Variants in GFM1 observed in about 807,000 individuals in gnomAD.
GFM1 encodes the protein elongation factor G, mitochondrial.
GFM1 carries 62 observed loss-of-function variants against 96.2 expected under a neutral mutation model. The observed-to-expected ratio is 0.64, with a 90% CI of 0.53 to 0.80. The LOEUF is 0.80. Ranked by LOEUF, GFM1 falls within the 30% of genes least tolerant of loss-of-function variation. The pLI is 0.00. For synonymous variants in GFM1, 282 were observed against 312.9 expected, an observed-to-expected ratio of 0.90 and a Z score of 1.04; for missense variants, 852 against 916.6, an observed-to-expected ratio of 0.93 and a Z score of 0.91.
At chr3:158,678,315 C>G (rs565696811) in intron 13 of GFM1, among the ~76,000 whole-genome samples, 3 of 152,114 alleles carry the variant, frequency 2.0e-5, no homozygotes, top group Non-Finnish European at 2.9e-5. Context: ...GTAAGGCGAT[C>G]GCTGCCATAG....
intron 11 of GFM1, among the ~76,000 whole-genome samples, chr3:158,664,268 A>G (rs1169254869): frequency 5.3e-5 from 8 of 152,220 alleles, no homozygotes; most frequent in Admixed American, 5.2e-4. Context: ...CAACACAAAT[A>G]TATACTTTTA....
Position 158,652,172 on chromosome 3 carries a change from TG to T in GFM1, c.767del (p.Cys256LeufsTer24). ...ATDHRQELIE[C>X]VANSDEQLGE... is the part of the protein sequence containing the mutation. ...TGACCACCGGCAGGAGCTAATTGAATGTGTTGCCAATTCAGATGAACAGCTT... is the reference window on the plus strand; with the variant it reads ...TGACCACCGGCAGGAGCTAATTGAATTGTTGCCAATTCAGATGAACAGCTT... On this transcript the variant is annotated frameshift_variant, in exon 6 of 18. Transcript: ENST00000486715. LOFTEE classifies it high-confidence loss of function. The T allele has an allele frequency of 6.2e-7, 1 of 1,614,030 alleles. No individual in the cohort carries two copies.
rs185840111 is a variant in GFM1, at chr3:158,644,798, C to T, written c.81+83C>T. On this transcript the variant is annotated intron_variant, in intron 1 of 17. Coordinates refer to ENST00000486715, the MANE Select transcript of GFM1 (RefSeq NM_024996.7). ...TGGGCAATGGAAGGCCGTGACACCCCCTGGGTCCTCATGACTGACAGCTCC... is the reference window on the plus strand; with the variant it reads ...TGGGCAATGGAAGGCCGTGACACCCTCTGGGTCCTCATGACTGACAGCTCC... The T allele has an allele frequency of 2.5e-4, 304 of 1,196,286 alleles. No homozygotes were observed. In the African/African-American group the frequency reaches 4.0e-3, roughly 16 times the overall value. 74.1% of individuals were successfully genotyped at this position (1,196,286 alleles called of 1,614,324 possible).
intron 8 of GFM1, chr3:158,655,712 T>C (rs1387448453): frequency 3.5e-6 from 1 of 287,012 alleles, no homozygotes; most frequent in Non-Finnish European, 7.0e-6. Flanking sequence ...GCACCCAGTT[T>C]CCTCTATTGT....
In GFM1 at chr3:158,654,530, A is replaced by G. The variant is rs1451335777; in HGVS notation, c.999-17A>G. ...CATATATTACATCTCATAGATTTAT[A>G]TTTCTTTTATTTTAAGTGACTCAAA... On this transcript the variant is annotated splice_polypyrimidine_tract_variant and intron_variant, in intron 7 of 17. Transcript: ENST00000486715. The G allele has an allele frequency of 7.2e-7, 1 of 1,387,228 alleles. No homozygotes were observed. Among genetic ancestry groups the G allele is most frequent in the Non-Finnish European group, 1.0e-6 (1 of 974,140 alleles). The allele number at this position is 1,387,228 out of a possible 1,614,324, so 85.9% of individuals were successfully genotyped here.
chr3:158,649,902 T>A, intron 5 of GFM1: 1 of 965,136 alleles, frequency 1.0e-6, no homozygotes, highest in Non-Finnish European at 1.6e-6. Context: ...CTTACAGGTC[T>A]GCAGACCACA....
intron 11 of GFM1, 73 bp downstream of exon 11, chr3:158,662,757 A>C: frequency 1.1e-6 from 1 of 873,652 alleles, no homozygotes; most frequent in East Asian, 2.4e-5. Flanking sequence ...TCTACAATGC[A>C]CTTGATATCT....
chr3:158,678,150 TCA>T (rs1725060744), intron 13 of GFM1, among the ~76,000 whole-genome samples: 8 of 152,324 alleles, frequency 5.3e-5, no homozygotes, highest in Middle Eastern at 6.8e-3. Context: ...AGATTACTGC[TCA>T]TTGACAATTA....
At chr3:158,667,983 G>A (rs1354809112) in intron 13 of GFM1, among the ~76,000 whole-genome samples, 1 of 152,148 alleles carries the variant, frequency 6.6e-6, no homozygotes, top group Non-Finnish European at 1.5e-5. Flanking sequence ...TCTGTATTAA[G>A]CTGAGCACAA....
Position 158,691,503 on chromosome 3 carries a change from T to G in GFM1, c.*36T>G. 1 of 1,610,794 alleles carries G rather than the reference T, an allele frequency of 6.2e-7. No homozygotes were observed. The highest frequency in any genetic ancestry group is 1.8e-4 in the Middle Eastern group (1 of 5,536). ...TGTGAGTTGACTGACTCTAATTGAA[T>G]CTGCGTGGTTTTGATACTTTGATGG... is the stretch of plus-strand genomic sequence containing the variant. On this transcript the variant is annotated 3_prime_UTR_variant, in exon 18 of 18. Transcript: ENST00000486715.
At chr3:158,677,094 A>G (rs764642945) in intron 13 of GFM1, among the ~76,000 whole-genome samples, 2 of 152,172 alleles carry the variant, frequency 1.3e-5, no homozygotes, top group Admixed American at 6.5e-5. Flanking sequence ...CATTATTATT[A>G]TATCTGTTAT....
chr3:158,682,429 T>C, intron 14 of GFM1: 1 of 392,548 alleles, frequency 2.5e-6, no homozygotes, highest in South Asian at 2.8e-5. Flanking sequence ...CTGTATTGAT[T>C]GTAATCAATT....
At chr3:158,656,888 T>A (rs994367424) in intron 8 of GFM1, 4 of 152,216 alleles carry the variant, frequency 2.6e-5, no homozygotes, top group African/African-American at 9.6e-5. Context: ...CCTTTTTGAA[T>A]ACTTCCTTAC....
Position 158,681,980 on chromosome 3 carries a change from C to A in GFM1, c.1602-15C>A. On this transcript the variant is annotated splice_polypyrimidine_tract_variant and intron_variant, in intron 13 of 17. Coordinates refer to ENST00000486715, the MANE Select transcript of GFM1 (RefSeq NM_024996.7). ...TACATAATGCTCCATTTTTTTTTTC[C>A]TAAATCACTTTCAGGTTTGACTTTA... 6.3e-7 allele frequency: 1 copy of A among 1,592,702 alleles called. No homozygotes were observed. Among genetic ancestry groups the A allele is most frequent in the Non-Finnish European group, 8.5e-7 (1 of 1,170,438 alleles).
In GFM1 at chr3:158,691,332, C is replaced by A. The variant is rs1420371820; in HGVS notation, c.2125-4C>A. 1 of 1,613,278 alleles carries A rather than the reference C, an allele frequency of 6.2e-7. No homozygotes were observed. Among genetic ancestry groups the A allele is most frequent in the Non-Finnish European group, 8.5e-7 (1 of 1,179,702 alleles). Reference sequence around the variant, plus strand: ...AAAACCCTCTCTTTTTTTTAAATCCCTAGGGAAAGGGAGAATACACAATGG... The same window carrying A: ...AAAACCCTCTCTTTTTTTTAAATCCATAGGGAAAGGGAGAATACACAATGG... On this transcript the variant is annotated splice_polypyrimidine_tract_variant and splice_region_variant and intron_variant, in intron 17 of 17. Transcript: ENST00000486715.
At chr3:158,660,238 T>C (rs1723093667) in intron 9 of GFM1, 1 of 151,172 alleles carries the variant, frequency 6.6e-6, no homozygotes, top group Non-Finnish European at 1.5e-5. Context: ...GCAACATATA[T>C]AGTACATGCC....
intron 13 of GFM1, among the ~76,000 whole-genome samples, chr3:158,671,785 A>G (rs1361449313): frequency 1.3e-5 from 2 of 152,358 alleles, no homozygotes; most frequent in Admixed American, 1.3e-4. Flanking sequence ...GAGGGTGCAC[A>G]TCATTTAAGG....
At chr3:158,659,171 T>C (rs763288461) in intron 9 of GFM1, 112 bp downstream of exon 9, 3 of 1,234,336 alleles carry the variant, frequency 2.4e-6, no homozygotes, top group African/African-American at 1.5e-5. Flanking sequence ...TATATGTTTC[T>C]AGTTTCTTTC....
rs1206622027 is a variant in GFM1 at position 158,646,814 on chromosome 3, G to A, written c.439G>A (p.Ala147Thr). 6.2e-7 allele frequency: 1 copy of A among 1,614,184 alleles called. No homozygotes were observed. Among genetic ancestry groups the A allele is most frequent in the Admixed American group, 1.7e-5 (1 of 60,024 alleles). Residue 147 changes from alanine (A) to threonine (T), a missense_variant, in exon 4 of 18, where the codon GCT (alanine) becomes ACT (threonine). Physicochemically the swap from Ala to Thr is moderately conservative, Grantham distance 58. Transcript: ENST00000486715. ...GGATGGTGCAGTCCTTGTTCTCTGT[G>A]CTGTTGGAGGGGTACAGTGCCAGAC... ...VLDGAVLVLC[A>T]VGGVQCQTMT...
Sources: allele counts gnomAD v4.1 joint callset (sites outside exome capture counted in the v4.1 genomes callset), GRCh38; gene constraint gnomAD v4.1.1; transcripts MANE v1.5; gene names NCBI Gene and HGNC (gene_info 2026-07-23, HGNC 2026-07-21).